MYO10: variants seen among roughly 807,000 people sequenced by gnomAD.
MYO10 encodes unconventional myosin-X.
MYO10 carries 133 observed loss-of-function variants against 257.3 expected under a neutral mutation model. The observed-to-expected ratio is 0.52, with a 90% confidence interval of 0.45 to 0.60. MYO10 has a LOEUF of 0.60. Ranked by LOEUF, MYO10 falls within the 20% of genes least tolerant of loss-of-function variation. MYO10 has a pLI of 0.00. For synonymous variants in MYO10, 1,104 were observed against 1,028.6 expected (o/e 1.07, Z -1.40); for missense variants, 2,399 against 2,635.7 (o/e 0.91, Z 1.97).
chr5:16,666,404 G>C lies in MYO10; in HGVS notation c.*288C>G. 2.9e-6 allele frequency: 1 copy of C among 340,488 alleles called. No individual in the cohort carries two copies. The highest frequency in any genetic ancestry group is 5.3e-6 in the Non-Finnish European group (1 of 188,278). 21.1% of individuals were successfully genotyped at this position (340,488 alleles called of 1,614,324 possible). On this transcript the variant is annotated 3_prime_UTR_variant, in exon 41 of 41. Coordinates refer to ENST00000513610, the MANE Select transcript of MYO10 (RefSeq NM_012334.3). ...TGGTTCCACAAGTTAAGGCACTTCCGGCTGCTTTGGTGGCAGCGTGGTTCC... is the reference window on the plus strand; with the variant it reads ...TGGTTCCACAAGTTAAGGCACTTCCCGCTGCTTTGGTGGCAGCGTGGTTCC...
At chr5:16,757,751 A>G (rs558496084) in intron 18 of MYO10, among the ~76,000 whole-genome samples, 3 of 152,182 alleles carry the variant, frequency 2.0e-5, no homozygotes, top group African/African-American at 7.2e-5. Flanking sequence ...TGCAATCTTG[A>G]TCTCCCAGGC....
intron 30 of MYO10, 87 bp downstream of exon 30, chr5:16,683,793 G>A (rs753974335): frequency 1.6e-5 from 21 of 1,347,206 alleles, no homozygotes; most frequent in Non-Finnish European, 2.1e-5. Context: ...ACAGCCCTGT[G>A]AAGAGGGTCG....
intron 2 of MYO10, among the ~76,000 whole-genome samples, chr5:16,823,511 G>C: frequency 9.6e-6 from 1 of 104,314 alleles, no homozygotes; most frequent in African/African-American, 3.8e-5. Flanking sequence ...TCACTCTGTC[G>C]CCCAGGCTAG....
chr5:16,703,160 T>C lies in MYO10; in HGVS notation c.2277-2A>G. The C allele has an allele frequency of 6.3e-7, 1 of 1,583,462 alleles. No individual in the cohort carries two copies. The highest frequency in any genetic ancestry group is 8.6e-7 in the Non-Finnish European group (1 of 1,162,082). ...TAAAGGACCTTTCTGTATTGTTTTC[T>C]GAAAATGAAAGAAAACAAGAGAATC... On this transcript the variant is annotated splice_acceptor_variant, in intron 22 of 40. Transcript: ENST00000513610. LOFTEE classifies it high-confidence loss of function.
At position 16,724,191 on chromosome 5, in the gene MYO10, T is replaced by C. The variant is rs192058203; in HGVS notation, c.1930-12946A>G. On this transcript the variant is annotated intron_variant, in intron 19 of 40. Transcript: ENST00000513610. ...TGACTTAAATAACGCTGGAAACATA[T>C]AGAGTCTATAAGACTAAAAGCATAA... 8.3e-4 allele frequency among the ~76,000 whole-genome samples: 126 copies of C among 152,272 alleles called. 2 individuals are homozygous for C. The highest frequency in any genetic ancestry group is 6.9e-3 in the Admixed American group (105 of 15,294).
At chr5:16,917,635 G>A (rs1745859065) in intron 1 of MYO10, among the ~76,000 whole-genome samples, 1 of 150,504 alleles carries the variant, frequency 6.6e-6, no homozygotes, top group Non-Finnish European at 1.5e-5. Flanking sequence ...GGGAGGAGAG[G>A]ATCACTGGAA....
chr5:16,906,299 C>T (rs1002765646), intron 1 of MYO10, among the ~76,000 whole-genome samples: 4 of 152,040 alleles, frequency 2.6e-5, no homozygotes, highest in South Asian at 2.1e-4. Context: ...TCCTTCAGCT[C>T]GAGGGTCTAA....
intron 2 of MYO10, among the ~76,000 whole-genome samples, chr5:16,837,968 G>A (rs1170410702): frequency 6.6e-6 from 1 of 151,828 alleles, no homozygotes; most frequent in Non-Finnish European, 1.5e-5. Flanking sequence ...AATTGTTTGG[G>A]GGCGCCACAA....
At chr5:16,767,763 C>T (rs557737144) in intron 10 of MYO10, among the ~76,000 whole-genome samples, 1 of 152,182 alleles carries the variant, frequency 6.6e-6, no homozygotes, top group South Asian at 2.1e-4. Context: ...CTGCAACCTC[C>T]ACCTCCCAGG....
At position 16,799,769 on chromosome 5, in the gene MYO10, C is replaced by T. The variant is rs528465029; in HGVS notation, c.280-4936G>A. Among the ~76,000 whole-genome samples the T allele has an allele frequency of 5.3e-5, 8 of 152,302 alleles. No individual in the cohort carries two copies. In the South Asian group the frequency reaches 1.7e-3, roughly 32 times the overall value. Reference sequence around the variant, plus strand: ...TCAGCCTCCCAAAGTGCTGGGATTACAGATATGAACCACTGTGCCCGGCTG... The same window carrying T: ...TCAGCCTCCCAAAGTGCTGGGATTATAGATATGAACCACTGTGCCCGGCTG... On this transcript the variant is annotated intron_variant, in intron 3 of 40. Coordinates refer to ENST00000513610, the MANE Select transcript of MYO10 (RefSeq NM_012334.3).
intron 35 of MYO10, among the ~76,000 whole-genome samples, chr5:16,674,188 C>T (rs1485109635): frequency 1.3e-5 from 2 of 152,198 alleles, no homozygotes; most frequent in Non-Finnish European, 2.9e-5. Flanking sequence ...AAATTCTTGG[C>T]CGGGCGCCGT....
intron 2 of MYO10, among the ~76,000 whole-genome samples, chr5:16,845,920 C>T (rs1033159025): frequency 4.0e-5 from 6 of 151,846 alleles, no homozygotes; most frequent in Non-Finnish European, 7.4e-5. Flanking sequence ...GCCGAGATCA[C>T]ACCACTGCAT....
intron 2 of MYO10, among the ~76,000 whole-genome samples, chr5:16,874,352 G>T (rs1418349494): frequency 9.1e-6 from 1 of 110,376 alleles, no homozygotes; most frequent in East Asian, 4.0e-4. Flanking sequence ...AGCGGGGGGG[G>T]GGGGGGGTTT....
intron 2 of MYO10, among the ~76,000 whole-genome samples, chr5:16,873,654 A>T (rs886440821): frequency 6.6e-6 from 1 of 152,210 alleles, no homozygotes; most frequent in African/African-American, 2.4e-5. Flanking sequence ...ATTTCCACAC[A>T]TCTTCTGAAA....
At chr5:16,796,839 A>AG (rs974341223) in intron 3 of MYO10, among the ~76,000 whole-genome samples, 4 of 152,208 alleles carry the variant, frequency 2.6e-5, no homozygotes, top group Admixed American at 2.6e-4. Context: ...GCTTGGAGAT[A>AG]GGGGCTTTAA....
At chr5:16,774,817 T>C (rs1163494748) in intron 9 of MYO10, among the ~76,000 whole-genome samples, 9 of 152,216 alleles carry the variant, frequency 5.9e-5, no homozygotes, top group Non-Finnish European at 1.0e-4. Context: ...TGAAAGAGAC[T>C]GACATTTCCA....
chr5:16,757,453 T>A (rs1740569036), intron 18 of MYO10, among the ~76,000 whole-genome samples: 1 of 151,792 alleles, frequency 6.6e-6, no homozygotes, highest in East Asian at 1.9e-4. Flanking sequence ...GTAACTGACA[T>A]CAGTCTCATC....
At chr5:16,818,583 G>T (rs1339498559) in intron 2 of MYO10, among the ~76,000 whole-genome samples, 2 of 141,980 alleles carry the variant, frequency 1.4e-5, no homozygotes. Context: ...ACAGGCATGT[G>T]CCACCAGCCA....
At chr5:16,907,018 G>T (rs1745537963) in intron 1 of MYO10, among the ~76,000 whole-genome samples, 1 of 152,106 alleles carries the variant, frequency 6.6e-6, no homozygotes, top group Non-Finnish European at 1.5e-5. Context: ...GGAAGCTGAG[G>T]CAGGAGAATC....
Sources: allele counts gnomAD v4.1 joint callset (sites outside exome capture counted in the v4.1 genomes callset), GRCh38; gene constraint gnomAD v4.1.1; transcripts MANE v1.5; gene names NCBI Gene and HGNC (gene_info 2026-07-23, HGNC 2026-07-21).